Variants in SMC1A observed in about 807,000 individuals in gnomAD.
The protein encoded by SMC1A is structural maintenance of chromosomes 1A.
In SMC1A, 4 loss-of-function variants were observed where a neutral mutation model predicts 94.5. That is an observed-to-expected ratio of 0.04 (90% confidence interval 0.02 to 0.10). The LOEUF (loss-of-function observed/expected upper bound fraction) is 0.10. SMC1A is among the 10% of genes least tolerant of loss of function. SMC1A has a pLI of 1.00. For synonymous variants in SMC1A, 345 were observed against 347.7 expected (o/e 0.99, Z 0.09); for missense variants, 304 against 989.0 (o/e 0.31, Z 9.29).
intron 15 of SMC1A, among the ~76,000 whole-genome samples, chrX:53,402,579 G>A (rs1556889062): frequency 2.8e-5 from 3 of 106,041 alleles, no homozygotes. Flanking sequence ...CCAGGCGGGG[G>A]TTGGGGCCAG....
intron 13 of SMC1A, 199 bp downstream of exon 13, chrX:53,404,813 T>C (rs2075685034): frequency 2.2e-6 from 1 of 462,340 alleles, no homozygotes. Context: ...CACTGAAAGG[T>C]GAAAATACTT....
In SMC1A at chrX:53,396,588, A is replaced by G. The variant is rs2075652167; in HGVS notation, c.2592T>C (p.Asp864=). 1.7e-6 allele frequency: 2 copies of G among 1,209,757 alleles called. No homozygotes were observed. The highest frequency in any genetic ancestry group is 1.1e-6 in the Non-Finnish European group (1 of 895,110). ...GGTCTTGTAGCTGAGCCATGGTCTC[A>G]TCTATGATCTTCATGTGTCTTTGTT... ...KEEQRHMKII[D]ETMAQLQDLK... The change falls in exon 17 of 25, where the codon GAT becomes GAC. Residue 864 remains aspartate, a synonymous_variant. Coordinates refer to ENST00000322213, the MANE Select transcript of SMC1A (RefSeq NM_006306.4).
At chrX:53,406,839 A>T (rs939511897) in intron 9 of SMC1A, among the ~76,000 whole-genome samples, 2 of 111,438 alleles carry the variant, frequency 1.8e-5, no homozygotes, top group Non-Finnish European at 3.8e-5. Flanking sequence ...CTGGGATTAC[A>T]GGTGCCCGCC....
At chrX:53,388,170 T>G (rs782418627) in intron 19 of SMC1A, among the ~76,000 whole-genome samples, 31 of 111,081 alleles carry the variant, frequency 2.8e-4, no homozygotes, top group African/African-American at 9.2e-4. Context: ...TACCTTCTGA[T>G]GGAAGTAACA....
chrX:53,394,740 AC>A, intron 19 of SMC1A, 37 bp downstream of exon 19: 4 of 351,503 alleles, frequency 1.1e-5, no homozygotes, highest in Non-Finnish European at 5.1e-6. Context: ...CTCCCACCCA[AC>A]CCCCACCCCC....
intron 9 of SMC1A, 113 bp downstream of exon 9, chrX:53,408,949 T>A: frequency 4.1e-6 from 3 of 732,827 alleles, no homozygotes; most frequent in Non-Finnish European, 6.3e-6. Flanking sequence ...CCGAGCCTCA[T>A]TTCCCCCAAC....
At chrX:53,422,465 G>A in intron 1 of SMC1A, 27 bp downstream of exon 1, 1 of 1,013,779 alleles carries the variant, frequency 9.9e-7, no homozygotes, top group Non-Finnish European at 1.4e-6. Context: ...CGGGACGTGC[G>A]CAGGGCCGCG....
chrX:53,393,655 T>G (rs991107979), intron 19 of SMC1A, among the ~76,000 whole-genome samples: 11 of 111,331 alleles, frequency 9.9e-5, no homozygotes, highest in African/African-American at 3.6e-4. Context: ...TAAGATTGCT[T>G]AACTGTTGAA....
chrX:53,381,946 A>T, intron 22 of SMC1A: 1 of 404,032 alleles, frequency 2.5e-6, no homozygotes, highest in Non-Finnish European at 4.4e-6. Flanking sequence ...AGCTAGATTT[A>T]CATGGAAAGG....
At chrX:53,407,640 T>C (rs1349184489) in intron 9 of SMC1A, among the ~76,000 whole-genome samples, 1 of 111,443 alleles carries the variant, frequency 9.0e-6, no homozygotes, top group Non-Finnish European at 1.9e-5. Flanking sequence ...ACCTGAAGTC[T>C]TGGACTGAGC....
rs782250419 is a variant in SMC1A at position 53,422,006 on chromosome X, GA to G, written c.109+485del. 71 of 1,208,334 alleles carry G rather than the reference GA, an allele frequency of 5.9e-5. No homozygotes were observed. The South Asian group carries it at 1.3e-3, about 21-fold the overall frequency. On this transcript the variant is annotated intron_variant, in intron 1 of 24. Transcript: ENST00000322213. ...TCCAGAGAAGAGTAGAAAGGAGTTGGAGTGTACCAATGCGAGGCGAGAGAGG... is the reference window on the plus strand; with the variant it reads ...TCCAGAGAAGAGTAGAAAGGAGTTGGGTGTACCAATGCGAGGCGAGAGAGG...
chrX:53,402,111 T>C, intron 15 of SMC1A, among the ~76,000 whole-genome samples: 1 of 111,586 alleles, frequency 9.0e-6, no homozygotes, highest in East Asian at 2.8e-4. Context: ...GTACTCTATA[T>C]GTTTCCTGAG....
In SMC1A at chrX:53,382,386, AG is replaced by A. The variant is rs782700135; in HGVS notation, c.3286-4del. ...GGGTTCTCAGGGCCCAGGAATGCCT[AG>A]GGGAAGGCAGATGGGTCAGGATCTG... On this transcript the variant is annotated splice_polypyrimidine_tract_variant and splice_region_variant and intron_variant, in intron 21 of 24. Coordinates refer to ENST00000322213, the MANE Select transcript of SMC1A (RefSeq NM_006306.4). The A allele has an allele frequency of 3.3e-6, 4 of 1,204,116 alleles. No individual in the cohort carries two copies. Among genetic ancestry groups the A allele is most frequent in the Non-Finnish European group, 4.5e-6 (4 of 891,311 alleles).
intron 19 of SMC1A, among the ~76,000 whole-genome samples, chrX:53,384,092 T>A (rs1256001290): frequency 1.8e-5 from 2 of 110,344 alleles, no homozygotes; most frequent in Non-Finnish European, 3.8e-5. Context: ...ATAAGTATAA[T>A]AAGTAGAGGG....
chrX:53,419,040 C>CAAA (rs34765834), intron 1 of SMC1A, among the ~76,000 whole-genome samples: 9 of 36,729 alleles, frequency 2.5e-4, no homozygotes, highest in East Asian at 8.4e-4. Flanking sequence ...GACTCTGTCT[C>CAAA]AAAAAAAAAA....
chrX:53,396,341 C>T lies in SMC1A; in HGVS notation c.2748G>A (p.Glu916=), dbSNP rs149750023. The T allele has an allele frequency of 8.3e-7, 1 of 1,211,656 alleles. No homozygotes were observed. Among genetic ancestry groups the T allele is most frequent in the Non-Finnish European group, 1.1e-6 (1 of 895,500 alleles). Residue 916 remains glutamate, a synonymous_variant, in exon 18 of 25, where the codon GAG becomes GAA. Coordinates refer to ENST00000322213, the MANE Select transcript of SMC1A (RefSeq NM_006306.4). The part of the protein sequence containing the change: ...THLQKEVTAI[E]TKLEQKRSDR... ...CACTGCGCTTCTGTTCAAGCTTGGTCTCAATGGCTGTCACCTCCTTCTGTA... is the reference window on the plus strand; with the variant it reads ...CACTGCGCTTCTGTTCAAGCTTGGTTTCAATGGCTGTCACCTCCTTCTGTA...
intron 19 of SMC1A, among the ~76,000 whole-genome samples, chrX:53,392,514 A>G (rs1186657327): frequency 1.8e-5 from 2 of 111,222 alleles, no homozygotes; most frequent in Non-Finnish European, 3.8e-5. Flanking sequence ...GCAATGGCAC[A>G]ATCTCAGCTC....
chrX:53,379,411 T>A lies in SMC1A; in HGVS notation c.*692A>T, dbSNP rs1359309913. The A allele has an allele frequency of 8.9e-6, 1 of 112,173 alleles. No individual in the cohort carries two copies. The highest frequency in any genetic ancestry group is 1.9e-5 in the Non-Finnish European group (1 of 53,410). 9.2% of individuals were successfully genotyped at this position (112,173 alleles called of 1,213,427 possible). ...CCACTTCTCAAATTCAAAGTACATA[T>A]GACATTCAGCTAACTATAGTCATTC... On this transcript the variant is annotated 3_prime_UTR_variant, in exon 25 of 25. Transcript: ENST00000322213.
At chrX:53,390,213 C>A (rs953945204) in intron 19 of SMC1A, among the ~76,000 whole-genome samples, 2 of 106,498 alleles carry the variant, frequency 1.9e-5, no homozygotes, top group Non-Finnish European at 3.9e-5. Flanking sequence ...GGGGGCCGGG[C>A]CCCATGGCTC....
Sources: gnomAD v4.1 joint callset for allele counts (sites outside exome capture counted in the v4.1 genomes callset) on GRCh38, gnomAD v4.1.1 for gene constraint, MANE v1.5 for transcripts, NCBI Gene and HGNC (gene_info 2026-07-23, HGNC 2026-07-21) for gene names.